Variants in CNTLN observed in about 807,000 individuals in gnomAD.
CNTLN encodes the protein centlein, centrosomal protein.
A neutral mutation model predicts 180.0 loss-of-function variants in CNTLN; 212 were observed. The ratio of observed to expected loss-of-function variants is 1.18; its 90% CI spans 1.05 to 1.32. CNTLN has a LOEUF of 1.32. Among genes scored for constraint, CNTLN ranks in the 40% most tolerant of loss-of-function variants. CNTLN has a pLI of 0.00. For synonymous variants in CNTLN, 722 were observed against 563.1 expected (o/e 1.28, Z -3.99); for missense variants, 2,095 against 1,610.9 (o/e 1.30, Z -5.14).
At chr9:17,408,818 C>A (rs980214473) in intron 15 of CNTLN, among the ~76,000 whole-genome samples, 1 of 145,730 alleles carries the variant, frequency 6.9e-6, no homozygotes. Context: ...AAAAAAAGTG[C>A]CTGGGCCCAT....
chr9:17,222,793 T>C (rs1220303860), intron 2 of CNTLN, among the ~76,000 whole-genome samples: 3 of 152,056 alleles, frequency 2.0e-5, no homozygotes, highest in African/African-American at 7.2e-5. Flanking sequence ...TAAATTCTAT[T>C]CACTTAGCTC....
At chr9:17,416,451 T>C (rs1282800536) in intron 18 of CNTLN, among the ~76,000 whole-genome samples, 1 of 152,202 alleles carries the variant, frequency 6.6e-6, no homozygotes, top group African/African-American at 2.4e-5. Context: ...GTTTTTCTCA[T>C]CTTTGAAATA....
rs190799677 is a variant in CNTLN, at chr9:17,148,568, C to G, written c.449+5192C>G. ...GCATGTCACAACCTTCTTAGGAACA[C>G]TAGCCAGCACTTCAGCACTGTGCTT... On this transcript the variant is annotated intron_variant, in intron 2 of 25. Transcript: ENST00000380647. Among the ~76,000 whole-genome samples the G allele has an allele frequency of 6.6e-5, 10 of 152,318 alleles. No homozygotes were observed. The East Asian group carries it at 1.7e-3, about 26-fold the overall frequency.
chr9:17,447,362 G>C (rs1830502107), intron 18 of CNTLN: 1 of 196,122 alleles, frequency 5.1e-6, no homozygotes, highest in Non-Finnish European at 1.1e-5. Flanking sequence ...TTCCTGTGTT[G>C]AGAAAAAAGT....
chr9:17,457,818 T>C, intron 19 of CNTLN, 103 bp downstream of exon 19: 1 of 742,946 alleles, frequency 1.3e-6, no homozygotes, highest in African/African-American at 1.8e-5. Flanking sequence ...TAAATTATGT[T>C]ATAGATAATC....
At chr9:17,226,173 A>T in intron 2 of CNTLN, 30 bp from the exon 3 acceptor site, 1 of 1,171,032 alleles carries the variant, frequency 8.5e-7, no homozygotes, top group Non-Finnish European at 1.2e-6. Flanking sequence ...ACCAGTTATG[A>T]CTAATAAACT....
chr9:17,492,982 A>G (rs917686834), intron 25 of CNTLN, among the ~76,000 whole-genome samples: 1 of 152,186 alleles, frequency 6.6e-6, no homozygotes, highest in Non-Finnish European at 1.5e-5. Context: ...TAAGTCAAAC[A>G]CAAAAGGACA....
At chr9:17,205,044 C>T (rs1055848229) in intron 2 of CNTLN, among the ~76,000 whole-genome samples, 8 of 152,158 alleles carry the variant, frequency 5.3e-5, no homozygotes, top group African/African-American at 1.9e-4. Flanking sequence ...TATCACCAAG[C>T]TCGATCATCC....
At chr9:17,206,914 T>G (rs537674700) in intron 2 of CNTLN, among the ~76,000 whole-genome samples, 15 of 152,260 alleles carry the variant, frequency 9.9e-5, no homozygotes, top group Non-Finnish European at 1.9e-4. Flanking sequence ...TGACTGGGCC[T>G]CATGCCAAAC....
intron 12 of CNTLN, among the ~76,000 whole-genome samples, chr9:17,348,737 T>G (rs1822126828): frequency 6.6e-6 from 1 of 151,968 alleles, no homozygotes; most frequent in Non-Finnish European, 1.5e-5. Flanking sequence ...CACCATGTTG[T>G]CCAGACTGGT....
chr9:17,232,861 A>AGG (rs1433059425), intron 3 of CNTLN, among the ~76,000 whole-genome samples: 2 of 152,198 alleles, frequency 1.3e-5, no homozygotes, highest in Non-Finnish European at 2.9e-5. Context: ...CGAGTCTTAA[A>AGG]GGGGCATAAG....
chr9:17,203,816 C>T (rs1016414247), intron 2 of CNTLN, among the ~76,000 whole-genome samples: 6 of 152,188 alleles, frequency 3.9e-5, no homozygotes, highest in East Asian at 1.9e-4. Context: ...CTCGGCCTCC[C>T]GAAGTGCTGG....
intron 23 of CNTLN, among the ~76,000 whole-genome samples, chr9:17,475,874 A>G (rs1487151340): frequency 2.3e-4 from 2 of 8,588 alleles, no homozygotes; most frequent in Admixed American, 8.6e-3. Flanking sequence ...CTCTCTCTCA[A>G]AAAAAAAAAA....
chr9:17,352,777 T>TTTTGAATA (rs1262347339), intron 12 of CNTLN, among the ~76,000 whole-genome samples: 3 of 152,202 alleles, frequency 2.0e-5, no homozygotes, highest in Non-Finnish European at 2.9e-5. Context: ...GATTTACCTA[T>TTTTGAATA]TTTGAATATT....
chr9:17,166,842 C>G (rs1341281745), intron 2 of CNTLN: 2 of 443,092 alleles, frequency 4.5e-6, no homozygotes, highest in Admixed American at 2.7e-5. Flanking sequence ...ATGTGTACCA[C>G]CAAAACGAAG....
intron 15 of CNTLN, among the ~76,000 whole-genome samples, chr9:17,405,676 A>G (rs1388933785): frequency 1.3e-5 from 2 of 151,716 alleles, no homozygotes; most frequent in African/African-American, 2.4e-5. Context: ...AGCTGCACTC[A>G]TTGTTTTGTG....
At chr9:17,164,440 G>T (rs1187750282) in intron 2 of CNTLN, among the ~76,000 whole-genome samples, 4 of 132,016 alleles carry the variant, frequency 3.0e-5, no homozygotes, top group East Asian at 5.0e-4. Context: ...CAAATCTATA[G>T]AACTCCTTAT....
At chr9:17,496,106 T>G (rs1833441451) in intron 25 of CNTLN, among the ~76,000 whole-genome samples, 1 of 152,124 alleles carries the variant, frequency 6.6e-6, no homozygotes, top group Non-Finnish European at 1.5e-5. Flanking sequence ...GAGGTATAAT[T>G]CACTATCCAC....
chr9:17,301,192 C>G, intron 7 of CNTLN: 1 of 985,386 alleles, frequency 1.0e-6, no homozygotes, highest in Non-Finnish European at 1.2e-6. Context: ...ACCAGAAATT[C>G]CCTAGTGTAT....
Sources: gnomAD v4.1 joint callset for allele counts (sites outside exome capture counted in the v4.1 genomes callset) on GRCh38, gnomAD v4.1.1 for gene constraint, MANE v1.5 for transcripts, NCBI Gene and HGNC (gene_info 2026-07-23, HGNC 2026-07-21) for gene names.